The following SLC24A3 variants were observed in gnomAD, a reference collection of about 807,000 sequenced individuals.
The protein encoded by SLC24A3 is solute carrier family 24 member 3.
A neutral mutation model predicts 75.8 loss-of-function variants in SLC24A3; 28 were observed. That is an observed-to-expected ratio of 0.37 (90% confidence interval 0.27 to 0.51). The LOEUF is 0.51. SLC24A3 is among the 20% of genes least tolerant of loss of function. The probability of loss-of-function intolerance (pLI) is 0.94; values close to 1 mark genes in which losing one functional copy is unlikely to be tolerated. For synonymous variants in SLC24A3, 372 were observed against 334.1 expected, an observed-to-expected ratio of 1.11 and a Z score of -1.24; for missense variants, 663 against 847.8, an observed-to-expected ratio of 0.78 and a Z score of 2.71.
chr20:19,474,739 G>A (rs144039121), intron 2 of SLC24A3, among the ~76,000 whole-genome samples: 85 of 152,262 alleles, frequency 5.6e-4, no homozygotes, highest in African/African-American at 2.0e-3. Context: ...TGTGTGGTAA[G>A]AACATTTAAG....
At chr20:19,570,623 A>T (rs1264215666) in intron 3 of SLC24A3, among the ~76,000 whole-genome samples, 1 of 152,188 alleles carries the variant, frequency 6.6e-6, no homozygotes, top group Non-Finnish European at 1.5e-5. Flanking sequence ...AATACATTGG[A>T]TAGAAGGTCT....
intron 1 of SLC24A3, among the ~76,000 whole-genome samples, chr20:19,222,856 C>G (rs895180421): frequency 4.1e-5 from 6 of 147,672 alleles, no homozygotes; most frequent in African/African-American, 1.5e-4. Flanking sequence ...CTTTTAACTA[C>G]TGTACACATG....
intron 2 of SLC24A3, among the ~76,000 whole-genome samples, chr20:19,408,548 C>T (rs780400956): frequency 8.5e-5 from 13 of 152,076 alleles, no homozygotes; most frequent in Non-Finnish European, 1.5e-4. Flanking sequence ...CACCACTACT[C>T]CCGGCTAATT....
chr20:19,278,857 G>A (rs1983569674), intron 1 of SLC24A3, among the ~76,000 whole-genome samples: 1 of 152,168 alleles, frequency 6.6e-6, no homozygotes, highest in Non-Finnish European at 1.5e-5. Context: ...GTGGAAGCAG[G>A]GTCTGTGTTT....
At chr20:19,370,865 T>G (rs1215924837) in intron 2 of SLC24A3, among the ~76,000 whole-genome samples, 1 of 152,110 alleles carries the variant, frequency 6.6e-6, no homozygotes, top group African/African-American at 2.4e-5. Context: ...AACTCTCTGG[T>G]TAGACCGGCT....
In SLC24A3 at chr20:19,304,208, CA is replaced by C. The variant is rs1231530388; in HGVS notation, c.271+23125del. Among the ~76,000 whole-genome samples the C allele has an allele frequency of 3.9e-5, 6 of 152,112 alleles. 1 individual carries two copies. In the East Asian group the frequency reaches 7.7e-4, roughly 20 times the overall value. ...CATTAATCAAGTTTTACAAATTTAC[CA>C]AAAGATGTTCTAATTTCTGCTACAA... On this transcript the variant is annotated intron_variant, in intron 2 of 16. Coordinates refer to ENST00000328041, the MANE Select transcript of SLC24A3 (RefSeq NM_020689.4).
At chr20:19,235,129 T>G (rs756874348) in intron 1 of SLC24A3, among the ~76,000 whole-genome samples, 2 of 152,202 alleles carry the variant, frequency 1.3e-5, no homozygotes, top group African/African-American at 2.4e-5. Flanking sequence ...TCGGGGCCAT[T>G]TAATTTGGTG....
intron 2 of SLC24A3, among the ~76,000 whole-genome samples, chr20:19,310,760 C>T (rs527795304): frequency 6.6e-6 from 1 of 152,330 alleles, no homozygotes; most frequent in East Asian, 1.9e-4. Flanking sequence ...ACTTTGGAGT[C>T]ATACTTTCCA....
intron 3 of SLC24A3, among the ~76,000 whole-genome samples, chr20:19,554,987 G>A (rs560148813): frequency 6.6e-6 from 1 of 152,320 alleles, no homozygotes; most frequent in Admixed American, 6.5e-5. Flanking sequence ...TTTGCTAACA[G>A]CTGCTGTCAG....
chr20:19,610,226 G>A (rs1474779395), intron 6 of SLC24A3, among the ~76,000 whole-genome samples: 1 of 148,644 alleles, frequency 6.7e-6, no homozygotes, highest in Non-Finnish European at 1.5e-5. Flanking sequence ...TTTCTTTTTG[G>A]TTTTCATTCT....
At chr20:19,613,038 A>G (rs2031691396) in intron 6 of SLC24A3, among the ~76,000 whole-genome samples, 1 of 152,088 alleles carries the variant, frequency 6.6e-6, no homozygotes, top group African/African-American at 2.4e-5. Flanking sequence ...CAGACTTCCA[A>G]TGTTCTCTTC....
intron 2 of SLC24A3, among the ~76,000 whole-genome samples, chr20:19,295,870 A>C (rs1279114974): frequency 6.6e-6 from 1 of 152,090 alleles, no homozygotes; most frequent in African/African-American, 2.4e-5. Flanking sequence ...TGCTGGCCTC[A>C]TAGAATGAGT....
chr20:19,616,967 A>G (rs948762982), intron 6 of SLC24A3, among the ~76,000 whole-genome samples: 1 of 152,140 alleles, frequency 6.6e-6, no homozygotes, highest in Non-Finnish European at 1.5e-5. Context: ...TCTTTCATCC[A>G]TTCAATGTTT....
At chr20:19,511,359 G>T (rs866050987) in intron 2 of SLC24A3, among the ~76,000 whole-genome samples, 1 of 145,488 alleles carries the variant, frequency 6.9e-6, no homozygotes, top group Admixed American at 7.0e-5. Context: ...ATGGAGTCTC[G>T]CTCTGTCACC....
At position 19,693,387 on chromosome 20, in the gene SLC24A3, C is replaced by T; in HGVS notation, c.1453C>T (p.Leu485=). The change falls in exon 13 of 17, where the codon CTG becomes TTG. Residue 485 remains leucine, a synonymous_variant. Coordinates refer to ENST00000328041, the MANE Select transcript of SLC24A3 (RefSeq NM_020689.4). ...WFMVTFASST[L]WIAAFSYMMV... ...CATGGTGACGTTTGCTTCCTCCACG[C>T]TGTGGATCGCAGCCTTCTCCTACAT... 6.2e-7 allele frequency: 1 copy of T among 1,614,146 alleles called. No homozygotes were observed. Among genetic ancestry groups the T allele is most frequent in the Non-Finnish European group, 8.5e-7 (1 of 1,180,026 alleles).
chr20:19,364,691 G>A (rs902180832), intron 2 of SLC24A3, among the ~76,000 whole-genome samples: 3 of 152,122 alleles, frequency 2.0e-5, no homozygotes, highest in Non-Finnish European at 1.5e-5. Context: ...CTGGACTCAA[G>A]CTATCCTCCT....
chr20:19,296,675 A>G (rs911494651), intron 2 of SLC24A3, among the ~76,000 whole-genome samples: 5 of 152,164 alleles, frequency 3.3e-5, no homozygotes, highest in Non-Finnish European at 7.4e-5. Context: ...CCCACTGTCA[A>G]TATTAGGCCA....
intron 12 of SLC24A3, among the ~76,000 whole-genome samples, chr20:19,686,635 A>G (rs527374569): frequency 6.6e-6 from 1 of 152,328 alleles, no homozygotes; most frequent in African/African-American, 2.4e-5. Flanking sequence ...GCCGAGTGTC[A>G]GAGTCCTGTG....
chr20:19,629,688 A>G (rs992844602), intron 6 of SLC24A3, among the ~76,000 whole-genome samples: 6 of 152,234 alleles, frequency 3.9e-5, no homozygotes, highest in African/African-American at 9.6e-5. Flanking sequence ...GAGAAAATCC[A>G]TAAGATTATC....
Sources: allele counts gnomAD v4.1 joint callset (sites outside exome capture counted in the v4.1 genomes callset), GRCh38; gene constraint gnomAD v4.1.1; transcripts MANE v1.5; gene names NCBI Gene and HGNC (gene_info 2026-07-23, HGNC 2026-07-21).